VAMP7: variants seen among roughly 807,000 people sequenced by gnomAD.
VAMP7 encodes the protein vesicle associated membrane protein 7.
VAMP7 carries 14 observed loss-of-function variants against 29.6 expected under a neutral mutation model. The observed-to-expected ratio is 0.47, with a 90% CI of 0.31 to 0.74. VAMP7 has a LOEUF of 0.74. VAMP7 is among the 30% of genes least tolerant of loss of function. VAMP7 has a pLI of 0.05. For missense variants in VAMP7, 223 were observed against 262.4 expected (o/e 0.85, Z 1.04); for synonymous variants, 95 against 88.1 (o/e 1.08, Z -0.44).
intron 6 of VAMP7, among the ~76,000 whole-genome samples, chrX:155,927,044 T>A (rs887694623): frequency 2.0e-5 from 3 of 151,950 alleles, no homozygotes; most frequent in African/African-American, 7.3e-5. Flanking sequence ...TCATAACAGA[T>A]AGAATGAAAA....
intron 6 of VAMP7, 97 bp from the exon 7 acceptor site, chrX:155,939,604 A>T: frequency 1.1e-6 from 1 of 896,384 alleles, no homozygotes; most frequent in Non-Finnish European, 1.9e-6. Flanking sequence ...CATTGGACTT[A>T]AATGGAATTA....
chrX:155,920,399 C>T (rs934317566), intron 6 of VAMP7, among the ~76,000 whole-genome samples: 7 of 152,130 alleles, frequency 4.6e-5, no homozygotes, highest in Admixed American at 4.6e-4. Flanking sequence ...CGTATGTCCT[C>T]ACATTTTCAA....
Position 155,895,548 on chromosome X carries a change from A to G in VAMP7, c.147-75A>G, listed in dbSNP as rs762123192. 1.3e-4 allele frequency: 147 copies of G among 1,112,982 alleles called. No homozygotes were observed. In the African/African-American group the frequency reaches 2.1e-3, roughly 16 times the overall value. 68.9% of individuals were successfully genotyped at this position (1,112,982 alleles called of 1,614,324 possible). A position where few individuals can be genotyped will look rare whatever the true frequency, so the allele number is the denominator to read the frequency against. ...GACATTGGCAGTACTGAACGTGCTT[A>G]TACATAGATAGAAGATAGAAGTAAA... On this transcript the variant is annotated intron_variant, in intron 2 of 7. Transcript: ENST00000286448.
chrX:155,886,620 A>C (rs1378239138), intron 1 of VAMP7, among the ~76,000 whole-genome samples: 1 of 152,110 alleles, frequency 6.6e-6, no homozygotes, highest in Non-Finnish European at 1.5e-5. Context: ...TCCTCCAGCC[A>C]GTCTTCAGAT....
At position 155,943,371 on chromosome X, in the gene VAMP7, A is replaced by G. The variant is rs1033929687; in HGVS notation, c.*1420A>G. The G allele has an allele frequency of 5.3e-5, 8 of 152,252 alleles. No homozygotes were observed. Among genetic ancestry groups the G allele is most frequent in the South Asian group, 2.1e-4 (1 of 4,780 alleles). 9.4% of individuals were successfully genotyped at this position (152,252 alleles called of 1,614,324 possible). A position where few individuals can be genotyped will look rare whatever the true frequency, so the allele number is the denominator to read the frequency against. The stretch of plus-strand genomic sequence containing the variant: ...CCTGTTCTTCTATCCAAACCTTTCA[A>G]TTCATGCTACCTGATTCATTTATTT... On this transcript the variant is annotated 3_prime_UTR_variant, in exon 8 of 8. Coordinates refer to ENST00000286448, the MANE Select transcript of VAMP7 (RefSeq NM_005638.6).
intron 5 of VAMP7, among the ~76,000 whole-genome samples, chrX:155,909,763 G>A (rs1209303690): frequency 6.6e-6 from 1 of 152,106 alleles, no homozygotes; most frequent in Non-Finnish European, 1.5e-5. Context: ...TTCTCTCTCT[G>A]TTCTCCCATC....
Position 155,889,632 on chromosome X carries a change from T to C in VAMP7, c.146+20T>C, listed in dbSNP as rs777475877. 1 of 1,612,560 alleles carries C rather than the reference T, an allele frequency of 6.2e-7. No individual in the cohort carries two copies. The highest frequency in any genetic ancestry group is 8.5e-7 in the Non-Finnish European group (1 of 1,179,166). On this transcript the variant is annotated intron_variant, in intron 2 of 7. Coordinates refer to ENST00000286448, the MANE Select transcript of VAMP7 (RefSeq NM_005638.6). Reference sequence around the variant, plus strand: ...TGGCAAGTGAGTTCTGTTCTGCATGTGGTAAGGGATGAAAGAAGGGAATTC... The same window carrying C: ...TGGCAAGTGAGTTCTGTTCTGCATGCGGTAAGGGATGAAAGAAGGGAATTC...
At chrX:155,921,606 G>A (rs2066397064) in intron 6 of VAMP7, among the ~76,000 whole-genome samples, 1 of 151,498 alleles carries the variant, frequency 6.6e-6, no homozygotes, top group Non-Finnish European at 1.5e-5. Context: ...ACCACAATTT[G>A]TTTATCCGTT....
At chrX:155,939,405 A>G (rs1437016506) in intron 6 of VAMP7, among the ~76,000 whole-genome samples, 1 of 152,174 alleles carries the variant, frequency 6.6e-6, no homozygotes, top group Non-Finnish European at 1.5e-5. Context: ...AAGTATAGAG[A>G]GGAAAATTCT....
At chrX:155,907,700 G>A (rs894718772) in intron 5 of VAMP7, among the ~76,000 whole-genome samples, 39 of 150,564 alleles carry the variant, frequency 2.6e-4, no homozygotes, top group Admixed American at 6.7e-4. Context: ...GCAACCATCC[G>A]ATTTCTCAAT....
chrX:155,924,613 C>T (rs1032081827), intron 6 of VAMP7, among the ~76,000 whole-genome samples: 11 of 152,112 alleles, frequency 7.2e-5, no homozygotes, highest in African/African-American at 2.7e-4. Flanking sequence ...AAAATGCTAA[C>T]AATCACCTGA....
intron 6 of VAMP7, among the ~76,000 whole-genome samples, chrX:155,922,917 T>A (rs2124357770): frequency 6.6e-6 from 1 of 152,168 alleles, no homozygotes; most frequent in South Asian, 2.1e-4. Context: ...CCATTGGATT[T>A]AGTACATTTG....
intron 1 of VAMP7, among the ~76,000 whole-genome samples, chrX:155,883,707 CTTTTTT>C (rs766827269): frequency 1.6e-5 from 2 of 125,502 alleles, no homozygotes; most frequent in South Asian, 5.0e-4. Context: ...AGAAACACAT[CTTTTTT>C]TTTTTTTTTT....
At chrX:155,939,383 C>T (rs1603027835) in intron 6 of VAMP7, among the ~76,000 whole-genome samples, 1 of 152,126 alleles carries the variant, frequency 6.6e-6, no homozygotes, top group African/African-American at 2.4e-5. Context: ...TTAAAAGAGC[C>T]TTTCTTATTG....
rs762602009 is a variant in VAMP7 at position 155,932,515 on chromosome X, T to C, written c.502-7186T>C. Among the ~76,000 whole-genome samples the C allele has an allele frequency of 8.7e-4, 132 of 152,282 alleles. 1 individual carries two copies. Among genetic ancestry groups the C allele is most frequent in the Non-Finnish European group, 1.5e-3 (102 of 68,030 alleles). On this transcript the variant is annotated intron_variant, in intron 6 of 7. Transcript: ENST00000286448. The stretch of plus-strand genomic sequence containing the variant: ...CATGATTTGGCTCTCTGTTTGTCTG[T>C]TATTGGTGTATAAGAATGCTTGTGA...
At chrX:155,904,099 G>A (rs1048314281) in intron 5 of VAMP7, among the ~76,000 whole-genome samples, 20 of 149,964 alleles carry the variant, frequency 1.3e-4, no homozygotes, top group Admixed American at 4.0e-4. Context: ...GTAAACTATC[G>A]CAAGAACAAA....
intron 1 of VAMP7, among the ~76,000 whole-genome samples, chrX:155,882,539 A>C (rs1272147929): frequency 1.3e-5 from 2 of 152,168 alleles, no homozygotes; most frequent in Non-Finnish European, 2.9e-5. Flanking sequence ...AGCAGTGTTT[A>C]TTCTTCATTC....
intron 6 of VAMP7, among the ~76,000 whole-genome samples, chrX:155,923,243 T>C (rs968079773): frequency 6.6e-6 from 1 of 151,966 alleles, no homozygotes; most frequent in Non-Finnish European, 1.5e-5. Flanking sequence ...TGTTTACCCA[T>C]GCAGCTACCA....
intron 5 of VAMP7, among the ~76,000 whole-genome samples, chrX:155,913,407 T>C (rs994623776): frequency 6.6e-6 from 1 of 152,218 alleles, no homozygotes; most frequent in African/African-American, 2.4e-5. Flanking sequence ...TTGGCTTTTG[T>C]TGCCATTGCT....
Sources: gnomAD v4.1 joint callset for allele counts (sites outside exome capture counted in the v4.1 genomes callset) on GRCh38, gnomAD v4.1.1 for gene constraint, MANE v1.5 for transcripts, NCBI Gene and HGNC (gene_info 2026-07-23, HGNC 2026-07-21) for gene names.